The following GPD1 variants were observed in gnomAD, a reference collection of about 807,000 sequenced individuals.
GPD1 encodes glycerol-3-phosphate dehydrogenase 1.
GPD1 carries 19 observed loss-of-function variants against 34.4 expected under a neutral mutation model. The ratio of observed to expected loss-of-function variants is 0.55; its 90% CI spans 0.39 to 0.81. The LOEUF is 0.81. GPD1 is among the 30% of genes least tolerant of loss of function. GPD1 has a pLI of 0.00. For missense variants in GPD1, 429 were observed against 447.0 expected (o/e 0.96, Z 0.36); for synonymous variants, 172 against 174.1 (o/e 0.99, Z 0.09).
intron 3 of GPD1, chr12:50,106,079 G>A (rs1950976246): frequency 8.1e-6 from 5 of 617,210 alleles, no homozygotes; most frequent in South Asian, 5.7e-5. Flanking sequence ...CGTTGCCTTG[G>A]AGAAGTAGAC....
rs1286984713 is a variant in GPD1, at chr12:50,105,708, G to C, written c.360+20G>C. ...ATTAAGGTGCCAGGGACACCTTCAT[G>C]TGGATGGGGGAGGGTGCGGCTCACT... On this transcript the variant is annotated intron_variant, in intron 3 of 7. Transcript: ENST00000301149. 1 of 1,611,992 alleles carries C rather than the reference G, an allele frequency of 6.2e-7. No homozygotes were observed. Among genetic ancestry groups the C allele is most frequent in the Admixed American group, 1.7e-5 (1 of 60,014 alleles).
At position 50,109,714 on chromosome 12, in the gene GPD1, G is replaced by A. The variant is rs1951008975; in HGVS notation, c.*195G>A. On this transcript the variant is annotated 3_prime_UTR_variant, in exon 8 of 8. Coordinates refer to ENST00000301149, the MANE Select transcript of GPD1 (RefSeq NM_005276.4). ...ACTGTCAAGCCACTGGCAGCCTCAT[G>A]CCACCACATTTGCCAGAAATGCAGT... 1.8e-6 allele frequency: 1 copy of A among 566,324 alleles called. No homozygotes were observed. Among genetic ancestry groups the A allele is most frequent in the Non-Finnish European group, 3.2e-6 (1 of 314,504 alleles). The allele number at this position is 566,324 out of a possible 1,614,324, so 35.1% of individuals were successfully genotyped here.
At chr12:50,109,341 G>A in intron 7 of GPD1, 82 bp from the exon 8 acceptor site, 1 of 774,778 alleles carries the variant, frequency 1.3e-6, no homozygotes, top group African/African-American at 1.7e-5. Context: ...CAAGGGACAG[G>A]AGGGTTAGGC....
chr12:50,104,722 C>T lies in GPD1; in HGVS notation c.190C>T (p.Leu64=), dbSNP rs1950966624. The change falls in exon 2 of 8, where the codon CTG becomes TTG. Residue 64 remains leucine (L), a synonymous_variant. Coordinates refer to ENST00000301149, the MANE Select transcript of GPD1 (RefSeq NM_005276.4). ...INTQHENVKY[L]PGHKLPPNVV... ...CACGCAGCATGAGAATGTCAAATACCTGCCAGGGCACAAGTTGCCCCCAAA... is the reference window on the plus strand; with the variant it reads ...CACGCAGCATGAGAATGTCAAATACTTGCCAGGGCACAAGTTGCCCCCAAA... The T allele has an allele frequency of 1.9e-6, 3 of 1,614,132 alleles. No individual in the cohort carries two copies. The highest frequency in any genetic ancestry group is 2.5e-6 in the Non-Finnish European group (3 of 1,179,970).
At chr12:50,108,246 T>C (rs1308346184) in intron 7 of GPD1, 116 bp downstream of exon 7, 5 of 683,096 alleles carry the variant, frequency 7.3e-6, no homozygotes, top group Non-Finnish European at 1.3e-5. Flanking sequence ...AGGGGAGTAT[T>C]ACCTTACATT....
intron 3 of GPD1, 55 bp downstream of exon 3, chr12:50,105,743 T>G: frequency 6.3e-7 from 1 of 1,576,444 alleles, no homozygotes; most frequent in Non-Finnish European, 8.7e-7. Context: ...TGTTGTGGGG[T>G]TCAGGGTGGG....
rs1330440720 is a variant in GPD1 at position 50,108,119 on chromosome 12, C to A, written c.942C>A (p.Gly314=). 4.4e-6 allele frequency: 7 copies of A among 1,596,298 alleles called. No homozygotes were observed. Among genetic ancestry groups the A allele is most frequent in the Non-Finnish European group, 6.0e-6 (7 of 1,164,730 alleles). The change falls in exon 7 of 8, where the codon GGC becomes GGA. Residue 314 remains glycine (G), a synonymous_variant. Transcript: ENST00000301149. ...TATACAGCATCCTCCAGCACAAGGG[C>A]CTGGTAGACAAGTAAGTATTGGCCA... ...RELYSILQHK[G]LVDKFPLFMA...
intron 6 of GPD1, 58 bp from the exon 7 acceptor site, chr12:50,107,966 C>G: frequency 8.6e-7 from 1 of 1,163,792 alleles, no homozygotes; most frequent in South Asian, 1.3e-5. Flanking sequence ...AGTCTCTCCA[C>G]CCCCTACTGA....
intron 5 of GPD1, chr12:50,107,359 G>A (rs1950986995): frequency 2.9e-6 from 2 of 694,564 alleles, no homozygotes; most frequent in Non-Finnish European, 5.3e-6. Flanking sequence ...TTCAGAAAAT[G>A]TCCTCGAGGA....
At chr12:50,107,521 C>T in intron 5 of GPD1, 46 bp from the exon 6 acceptor site, 1 of 1,401,082 alleles carries the variant, frequency 7.1e-7, no homozygotes, top group Non-Finnish European at 1.0e-6. Context: ...CACATGGGGC[C>T]TATAGGAGGG....
At chr12:50,106,778 C>T (rs1382175787) in intron 4 of GPD1, 27 bp from the exon 5 acceptor site, 1 of 1,305,240 alleles carries the variant, frequency 7.7e-7, no homozygotes, top group Admixed American at 2.1e-5. Flanking sequence ...GTCCTTCCCT[C>T]AAAGCCTTGC....
chr12:50,106,973 G>A (rs746067588), intron 5 of GPD1, 56 bp downstream of exon 5: 5 of 1,064,086 alleles, frequency 4.7e-6, no homozygotes, highest in Non-Finnish European at 7.3e-6. Context: ...AAGGAGGTCT[G>A]GCTGAGCTCT....
At chr12:50,108,756 C>T (rs1951001011) in intron 7 of GPD1, among the ~76,000 whole-genome samples, 1 of 152,158 alleles carries the variant, frequency 6.6e-6, no homozygotes, top group Admixed American at 6.6e-5. Context: ...CACATCATAC[C>T]TAATTACATC....
chr12:50,107,967 C>T lies in GPD1; in HGVS notation c.847-57C>T, dbSNP rs1950994595. ...CCCATCTGAGCTCCAGTCTCTCCAC[C>T]CCCTACTGACAACCCTTCTCTCCCA... On this transcript the variant is annotated intron_variant, in intron 6 of 7. Transcript: ENST00000301149. 3.4e-6 allele frequency: 4 copies of T among 1,168,298 alleles called. No individual in the cohort carries two copies. In the African/African-American group the frequency reaches 4.5e-5, roughly 13 times the overall value. 72.4% of individuals were successfully genotyped at this position (1,168,298 alleles called of 1,614,324 possible). A position where few individuals can be genotyped will look rare whatever the true frequency, so the allele number is the denominator to read the frequency against.
intron 6 of GPD1, 99 bp from the exon 7 acceptor site, chr12:50,107,925 C>A: frequency 9.9e-7 from 1 of 1,008,860 alleles, no homozygotes; most frequent in Non-Finnish European, 1.6e-6. Flanking sequence ...TCCCTCTTTT[C>A]CTCCCAAGAC....
intron 7 of GPD1, 67 bp downstream of exon 7, chr12:50,108,197 T>C (rs1189555197): frequency 2.3e-6 from 2 of 881,642 alleles, no homozygotes; most frequent in Non-Finnish European, 3.7e-6. Flanking sequence ...CTGTTCATCA[T>C]CTTCCTAAAC....
Position 50,106,840 on chromosome 12 carries a change from G to C in GPD1, c.535G>C (p.Glu179Gln). The C allele has an allele frequency of 6.2e-7, 1 of 1,611,086 alleles. No homozygotes were observed. Among genetic ancestry groups the C allele is most frequent in the Non-Finnish European group, 8.5e-7 (1 of 1,177,570 alleles). The change falls in exon 5 of 8, where the codon GAG becomes CAG. Residue 179 changes from glutamate (E) to glutamine (Q), a missense_variant. Physicochemically the swap from Glu to Gln is conservative, Grantham distance 29. Coordinates refer to ENST00000301149, the MANE Select transcript of GPD1 (RefSeq NM_005276.4). ...KDPAQGQLLK[E>Q]LMQTPNFRIT... ...CCCGGCCCAGGGACAACTCCTGAAA[G>C]AGCTGATGCAGACACCAAACTTCCG...
intron 6 of GPD1, 28 bp downstream of exon 6, chr12:50,107,828 G>A (rs1210073505): frequency 6.5e-7 from 1 of 1,527,198 alleles, no homozygotes; most frequent in East Asian, 2.2e-5. Flanking sequence ...GGAGAACAGA[G>A]GGGCGGCTCT....
intron 2 of GPD1, 95 bp downstream of exon 2, chr12:50,104,846 C>T (rs143229347): frequency 2.9e-5 from 29 of 1,013,930 alleles, no homozygotes; most frequent in South Asian, 4.4e-5. Context: ...CTGAGAGGGC[C>T]GCTTCAGGTG....
Sources: gnomAD v4.1 joint callset for allele counts (sites outside exome capture counted in the v4.1 genomes callset) on GRCh38, gnomAD v4.1.1 for gene constraint, MANE v1.5 for transcripts, NCBI Gene and HGNC (gene_info 2026-07-23, HGNC 2026-07-21) for gene names.